Variants in OLFML1 observed in about 807,000 individuals in gnomAD.
OLFML1 encodes olfactomedin like 1, also known as olfactomedin-like protein 1.
A neutral mutation model predicts 37.3 loss-of-function variants in OLFML1; 33 were observed. The observed-to-expected ratio is 0.88, with a 90% CI of 0.67 to 1.18. OLFML1 has a LOEUF of 1.18. Ranked by LOEUF, OLFML1 falls within the 50% of genes most tolerant of loss-of-function variation. The pLI, the probability that OLFML1 is intolerant of heterozygous loss-of-function variation, is 0.00. For missense variants in OLFML1, 545 were observed against 483.7 expected, an observed-to-expected ratio of 1.13 and a Z score of -1.19; for synonymous variants, 186 against 181.3, an observed-to-expected ratio of 1.03 and a Z score of -0.21.
chr11:7,504,930 A>AT (rs10642636), intron 2 of OLFML1: 6,992 of 139,906 alleles, frequency 0.05, 254 homozygotes, highest in Non-Finnish European at 0.073. Flanking sequence ...CACATCCAGC[A>AT]TTTTTTTTTT....
chr11:7,489,936 T>A (rs1215448974), intron 2 of OLFML1, among the ~76,000 whole-genome samples: 1 of 152,074 alleles, frequency 6.6e-6, no homozygotes, highest in Non-Finnish European at 1.5e-5. Context: ...TCATAGGTTA[T>A]TTCCTACCTC....
intron 2 of OLFML1, among the ~76,000 whole-genome samples, chr11:7,489,356 G>C (rs1367174770): frequency 6.6e-6 from 1 of 152,064 alleles, no homozygotes; most frequent in Non-Finnish European, 1.5e-5. Context: ...TTCAAGTCAG[G>C]GCACAATATA....
intron 1 of OLFML1, among the ~76,000 whole-genome samples, chr11:7,486,218 G>T (rs1263031173): frequency 6.6e-6 from 1 of 152,174 alleles, no homozygotes; most frequent in African/African-American, 2.4e-5. Flanking sequence ...GTTGCACTTT[G>T]TGCTCTGATT....
chr11:7,499,823 A>G (rs1272952972), intron 2 of OLFML1, among the ~76,000 whole-genome samples: 1 of 152,164 alleles, frequency 6.6e-6, no homozygotes, highest in East Asian at 1.9e-4. Flanking sequence ...AGAAAGAAGC[A>G]TGTCTGTGTT....
rs771226315 is a variant in OLFML1 at position 7,485,975 on chromosome 11, T to C, written c.100T>C (p.Tyr34His). 1.2e-6 allele frequency: 2 copies of C among 1,613,982 alleles called. No homozygotes were observed. Among genetic ancestry groups the C allele is most frequent in the Non-Finnish European group, 1.7e-6 (2 of 1,179,974 alleles). ...QCTQDPAMVHYIYQRFRVLEQ... is the reference protein window; with the variant it reads ...QCTQDPAMVHHIYQRFRVLEQ... ...TACCCAGGACCCAGCCATGGTGCAT[T>C]ACATCTACCAGCGCTTTCGAGTCTT... Residue 34 changes from tyrosine (Y) to histidine (H), a missense_variant, in exon 1 of 3, where the codon TAC becomes CAC. Physicochemically the swap from Tyr to His is moderately conservative, Grantham distance 83 (BLOSUM62 2). Coordinates refer to ENST00000329293, the MANE Select transcript of OLFML1 (RefSeq NM_198474.4).
intron 2 of OLFML1, among the ~76,000 whole-genome samples, chr11:7,497,643 G>A (rs143329886): frequency 3.6e-4 from 55 of 152,244 alleles, no homozygotes; most frequent in African/African-American, 1.2e-3. Flanking sequence ...ATCTATGCAC[G>A]TGAAAAGCCA....
At chr11:7,492,353 C>T (rs953045271) in intron 2 of OLFML1, among the ~76,000 whole-genome samples, 2 of 152,176 alleles carry the variant, frequency 1.3e-5, no homozygotes, top group Non-Finnish European at 2.9e-5. Context: ...GCTAGGAAGG[C>T]ATTGCCAGAG....
At chr11:7,501,373 G>C (rs929199982) in intron 2 of OLFML1, among the ~76,000 whole-genome samples, 1 of 152,156 alleles carries the variant, frequency 6.6e-6, no homozygotes, top group Non-Finnish European at 1.5e-5. Context: ...CAGGGCTTTC[G>C]CTTCCTATAA....
intron 2 of OLFML1, among the ~76,000 whole-genome samples, chr11:7,496,705 A>G (rs1012875760): frequency 7.8e-6 from 1 of 128,858 alleles, no homozygotes; most frequent in Non-Finnish European, 1.7e-5. Flanking sequence ...TATTACAGGA[A>G]AAAAAAAACA....
At chr11:7,506,787 C>A (rs1848791657) in intron 2 of OLFML1, among the ~76,000 whole-genome samples, 1 of 152,052 alleles carries the variant, frequency 6.6e-6, no homozygotes, top group African/African-American at 2.4e-5. Context: ...AGAGCTATTA[C>A]AGTGGTTTAG....
intron 2 of OLFML1, among the ~76,000 whole-genome samples, chr11:7,499,876 G>A (rs934222289): frequency 6.6e-6 from 1 of 152,146 alleles, no homozygotes; most frequent in Non-Finnish European, 1.5e-5. Flanking sequence ...TTATTGTTTT[G>A]TTTTGTTTTG....
intron 2 of OLFML1, among the ~76,000 whole-genome samples, chr11:7,505,100 G>GT (rs1848770445): frequency 1.0e-5 from 1 of 96,396 alleles, no homozygotes; most frequent in Non-Finnish European, 2.2e-5. Context: ...GCTAATTATT[G>GT]TATTTTTTTT....
At chr11:7,507,059 G>A (rs1848793906) in intron 2 of OLFML1, among the ~76,000 whole-genome samples, 1 of 152,170 alleles carries the variant, frequency 6.6e-6, no homozygotes, top group African/African-American at 2.4e-5. Context: ...CATGCATATA[G>A]GGTAGTGTCC....
At chr11:7,500,712 G>T (rs4758193) in intron 2 of OLFML1, among the ~76,000 whole-genome samples, 74,996 of 150,690 alleles carry the variant, frequency 0.5, 19,169 homozygotes, top group Non-Finnish European at 0.54. Context: ...AAAATAAAAT[G>T]TTTAAGAAGG....
chr11:7,493,722 G>A (rs1848629914), intron 2 of OLFML1, among the ~76,000 whole-genome samples: 1 of 152,244 alleles, frequency 6.6e-6, no homozygotes, highest in African/African-American at 2.4e-5. Context: ...TGGGCTATGA[G>A]GATACCTTCA....
chr11:7,491,324 T>A (rs1848594882), intron 2 of OLFML1, among the ~76,000 whole-genome samples: 1 of 152,160 alleles, frequency 6.6e-6, no homozygotes, highest in African/African-American at 2.4e-5. Context: ...CAAGTCTGTA[T>A]GTATTCAACT....
At chr11:7,505,742 G>A (rs55722518) in intron 2 of OLFML1, among the ~76,000 whole-genome samples, 14,477 of 152,146 alleles carry the variant, frequency 0.095, 854 homozygotes, top group South Asian at 0.18. Flanking sequence ...AAGGTGGGGG[G>A]ATTGCTTGAG....
chr11:7,489,423 G>A (rs1399775676), intron 2 of OLFML1, among the ~76,000 whole-genome samples: 5 of 152,074 alleles, frequency 3.3e-5, no homozygotes, highest in Admixed American at 3.3e-4. Flanking sequence ...ATATGGCTGA[G>A]TGAAAGCTTT....
intron 1 of OLFML1, among the ~76,000 whole-genome samples, chr11:7,487,348 A>G (rs561139167): frequency 6.6e-6 from 1 of 152,246 alleles, no homozygotes; most frequent in African/African-American, 2.4e-5. Flanking sequence ...GGATTTAGGG[A>G]ATTATTTTGG....
Sources: allele counts gnomAD v4.1 joint callset (sites outside exome capture counted in the v4.1 genomes callset), GRCh38; gene constraint gnomAD v4.1.1; transcripts MANE v1.5; gene names NCBI Gene and HGNC (gene_info 2026-07-23, HGNC 2026-07-21).